The following SMCHD1 variants were observed in gnomAD, a reference collection of about 807,000 sequenced individuals.
SMCHD1 encodes structural maintenance of chromosomes flexible hinge domain-containing protein 1.
SMCHD1 carries 78 observed loss-of-function variants against 254.7 expected under a neutral mutation model. The observed-to-expected ratio is 0.31, with a 90% CI of 0.26 to 0.37. The LOEUF (loss-of-function observed/expected upper bound fraction) is 0.37. Ranked by LOEUF, SMCHD1 falls within the 10% of genes least tolerant of loss-of-function variation. The pLI, the probability that SMCHD1 is intolerant of heterozygous loss-of-function variation, is 1.00. For synonymous variants in SMCHD1, 766 were observed against 794.9 expected, an observed-to-expected ratio of 0.96 and a Z score of 0.61; for missense variants, 1,840 against 2,408.1, an observed-to-expected ratio of 0.76 and a Z score of 4.94.
chr18:2,676,879 G>A (rs2073762392), intron 5 of SMCHD1, among the ~76,000 whole-genome samples: 1 of 152,062 alleles, frequency 6.6e-6, no homozygotes, highest in Non-Finnish European at 1.5e-5. Flanking sequence ...GAGGACAAGC[G>A]GATTCTCATA....
chr18:2,753,556 G>A (rs890976085), intron 34 of SMCHD1, among the ~76,000 whole-genome samples: 9 of 152,086 alleles, frequency 5.9e-5, no homozygotes, highest in African/African-American at 2.2e-4. Flanking sequence ...GTAGCTTGAG[G>A]GTTTATTTCT....
chr18:2,792,274 C>T (rs2076180959), intron 45 of SMCHD1, among the ~76,000 whole-genome samples: 1 of 152,172 alleles, frequency 6.6e-6, no homozygotes. Context: ...TACACAAATG[C>T]TTACCATTGT....
In SMCHD1 at chr18:2,700,563, A is replaced by G. The variant is rs1471076468; in HGVS notation, c.1367A>G (p.Asp456Gly). 1.7e-5 allele frequency: 28 copies of G among 1,610,342 alleles called. No homozygotes were observed. Among genetic ancestry groups the G allele is most frequent in the Non-Finnish European group, 2.2e-5 (26 of 1,178,534 alleles). ...GAATTAAAAGATGAAGATGATGAAG[A>G]TGATTGTTTCATACTTGAGAAAGCA... ...PSKLKDEDDE[D>G]DCFILEKAAR... The change falls in exon 11 of 48, where the codon GAT becomes GGT. Residue 456 changes from aspartate to glycine, a missense_variant. Asp to Gly is a moderately conservative substitution (Grantham distance 94, BLOSUM62 -1). Around this residue, in one of 9 missense-constraint regions of SMCHD1, gnomAD observed 498 missense variants for 743.5 expected, o/e 0.67. Transcript: ENST00000320876.
Position 2,802,638 on chromosome 18 carries a change from T to C in SMCHD1, c.*86T>C. 1 of 1,275,986 alleles carries C rather than the reference T, an allele frequency of 7.8e-7. No homozygotes were observed. Among genetic ancestry groups the C allele is most frequent in the Non-Finnish European group, 1.1e-6 (1 of 926,076 alleles). 79.0% of individuals were successfully genotyped at this position (1,275,986 alleles called of 1,614,324 possible). A position where few individuals can be genotyped will look rare whatever the true frequency, so the allele number is the denominator to read the frequency against. On this transcript the variant is annotated 3_prime_UTR_variant, in exon 48 of 48. Coordinates refer to ENST00000320876, the MANE Select transcript of SMCHD1 (RefSeq NM_015295.3). Reference sequence around the variant, plus strand: ...GTTTCAGAAGACCAAGAGGGTGACTTACCAGACTGAGTATTTCTGGGGACA... The same window carrying C: ...GTTTCAGAAGACCAAGAGGGTGACTCACCAGACTGAGTATTTCTGGGGACA...
Position 2,750,414 on chromosome 18 carries a change from A to G in SMCHD1, c.4072A>G (p.Lys1358Glu). 6.2e-7 allele frequency: 1 copy of G among 1,612,410 alleles called. No individual in the cohort carries two copies. The highest frequency in any genetic ancestry group is 8.5e-7 in the Non-Finnish European group (1 of 1,178,832). The change falls in exon 32 of 48, where the codon AAG becomes GAG. Residue 1358 changes from lysine (K) to glutamate (E), a missense_variant. Around this residue, in one of 9 missense-constraint regions of SMCHD1, gnomAD observed 881 missense variants for 1,009.5 expected, o/e 0.87. Coordinates refer to ENST00000320876, the MANE Select transcript of SMCHD1 (RefSeq NM_015295.3). ...NKSIIEGPII[K>E]LMILPDPEKP... ...AAGTATCATAGAAGGACCTATAATTAAGTTAATGATTCTTCCAGACCCAGA... is the reference window on the plus strand; with the variant it reads ...AAGTATCATAGAAGGACCTATAATTGAGTTAATGATTCTTCCAGACCCAGA...
chr18:2,660,284 C>T (rs998091892), intron 1 of SMCHD1, among the ~76,000 whole-genome samples: 3 of 151,904 alleles, frequency 2.0e-5, no homozygotes, highest in African/African-American at 7.3e-5. Context: ...GAGAACGCAC[C>T]GCTGCACTCT....
chr18:2,656,408 G>A, intron 1 of SMCHD1, 147 bp downstream of exon 1: 1 of 777,914 alleles, frequency 1.3e-6, no homozygotes, highest in Middle Eastern at 4.3e-4. Context: ...TGCCCGCCAT[G>A]TCCGTGACCT....
chr18:2,778,275 C>A, intron 44 of SMCHD1, 36 bp downstream of exon 44: 2 of 1,421,586 alleles, frequency 1.4e-6, no homozygotes, highest in Non-Finnish European at 2.0e-6. Context: ...TTGTAGACTT[C>A]AGTTTTAATG....
At position 2,732,265 on chromosome 18, in the gene SMCHD1, A is replaced by G; in HGVS notation, c.3049A>G (p.Ser1017Gly). 2 of 1,610,646 alleles carry G rather than the reference A, an allele frequency of 1.2e-6. No individual in the cohort carries two copies. The highest frequency in any genetic ancestry group is 1.3e-5 in the African/African-American group (1 of 74,926). Residue 1017 changes from serine to glycine, a missense_variant and splice_region_variant, in exon 25 of 48, where the codon AGT becomes GGT. Transcript: ENST00000320876. ...QTLKARIEIPSCKDVAPVEKT... is the reference protein window; with the variant it reads ...QTLKARIEIPGCKDVAPVEKT... ...TGTTTGTGTTTTCTTCTCTTTCTAG[A>G]GTTGTAAAGATGTGGCACCTGTGGA...
At chr18:2,732,690 T>C (rs2075165843) in intron 25 of SMCHD1, among the ~76,000 whole-genome samples, 198 bp downstream of exon 25, 1 of 152,202 alleles carries the variant, frequency 6.6e-6, no homozygotes, top group African/African-American at 2.4e-5. Flanking sequence ...TGTGACAAAA[T>C]TATACTTAGA....
At chr18:2,724,758 T>A in intron 20 of SMCHD1, 141 bp from the exon 21 acceptor site, 1 of 430,462 alleles carries the variant, frequency 2.3e-6, no homozygotes, top group South Asian at 6.5e-5. Context: ...CATTGGAATT[T>A]TTTTCTGTTT....
intron 44 of SMCHD1, 69 bp from the exon 45 acceptor site, chr18:2,784,376 TTTAAA>T: frequency 7.8e-7 from 1 of 1,283,334 alleles, no homozygotes; most frequent in Non-Finnish European, 1.1e-6. Context: ...TCTCAGAAAC[TTTAAA>T]TTATTTCTCC....
rs778649626 is a variant in SMCHD1, at chr18:2,751,420, G to A, written c.4281+27G>A. ...TGAGTCATGGGAAGCATTTTTTGAA[G>A]TTAAAAATAGTTCTTACATTTAACT... On this transcript the variant is annotated intron_variant, in intron 33 of 47. Transcript: ENST00000320876. 5 of 1,249,326 alleles carry A rather than the reference G, an allele frequency of 4.0e-6. No homozygotes were observed. The Admixed American group carries it at 7.3e-5, about 18-fold the overall frequency. The allele number at this position is 1,249,326 out of a possible 1,614,324, so 77.4% of individuals were successfully genotyped here.
chr18:2,802,135 A>AGT (rs1555660299), intron 47 of SMCHD1, among the ~76,000 whole-genome samples: 26 of 151,776 alleles, frequency 1.7e-4, no homozygotes, highest in Admixed American at 1.4e-3. Flanking sequence ...ATGAATATTA[A>AGT]ATGTTTTATT....
In SMCHD1 at chr18:2,769,890, C is replaced by G; in HGVS notation, c.4846+70C>G. 1.9e-6 allele frequency: 3 copies of G among 1,545,756 alleles called. No individual in the cohort carries two copies. In the African/African-American group the frequency reaches 4.2e-5, roughly 21 times the overall value. On this transcript the variant is annotated intron_variant, in intron 38 of 47. Coordinates refer to ENST00000320876, the MANE Select transcript of SMCHD1 (RefSeq NM_015295.3). ...ACTTTAGATAACCTTGTTTTGCTTT[C>G]CATTAACTTGGTGTTTATTAGCTAT...
chr18:2,762,028 T>C, intron 35 of SMCHD1, 77 bp from the exon 36 acceptor site: 1 of 1,190,328 alleles, frequency 8.4e-7, no homozygotes, highest in Non-Finnish European at 1.2e-6. Context: ...GTATGTGCCA[T>C]TGTTATGTCT....
chr18:2,708,892 AT>A (rs1568198472), intron 17 of SMCHD1, among the ~76,000 whole-genome samples: 1,066 of 76,170 alleles, frequency 0.014, 203 homozygotes, highest in African/African-American at 0.043. Context: ...ATATATATAT[AT>A]ATATATATAT....
intron 17 of SMCHD1, among the ~76,000 whole-genome samples, chr18:2,717,545 C>T (rs918038003): frequency 6.6e-6 from 1 of 152,138 alleles, no homozygotes; most frequent in African/African-American, 2.4e-5. Context: ...ATGGCCCAGG[C>T]TGGTCTCAAA....
At position 2,747,538 on chromosome 18, in the gene SMCHD1, A is replaced by T; in HGVS notation, c.3818A>T (p.Asn1273Ile). Residue 1273 changes from asparagine (N) to isoleucine (I), a missense_variant, in exon 30 of 48, where the codon AAT (asparagine) becomes ATT (isoleucine). Coordinates refer to ENST00000320876, the MANE Select transcript of SMCHD1 (RefSeq NM_015295.3). ...PELKESIPVI[N>I]GRDLQNPIIV... ...TCTTTTCAGTCCATTCCAGTGATTA[A>T]TGGAAGAGATTTACAGAACCCTATT... The T allele has an allele frequency of 6.2e-7, 1 of 1,606,280 alleles. No individual in the cohort carries two copies. Among genetic ancestry groups the T allele is most frequent in the Non-Finnish European group, 8.5e-7 (1 of 1,174,158 alleles).
Sources: allele counts gnomAD v4.1 joint callset (sites outside exome capture counted in the v4.1 genomes callset), GRCh38; gene constraint gnomAD v4.1.1; regional missense constraint gnomAD v4.1.1; transcripts MANE v1.5; gene names NCBI Gene and HGNC (gene_info 2026-07-23, HGNC 2026-07-21).